Variants in HAPLN1 observed in about 807,000 individuals in gnomAD.
The protein encoded by HAPLN1 is hyaluronan and proteoglycan link protein 1.
HAPLN1 carries 13 observed loss-of-function variants against 36.5 expected under a neutral mutation model. The observed-to-expected ratio is 0.36, with a 90% CI of 0.23 to 0.57. The LOEUF (loss-of-function observed/expected upper bound fraction) is 0.57. Among genes scored for constraint, HAPLN1 ranks in the 20% least tolerant of loss-of-function variants. The pLI, the probability that HAPLN1 is intolerant of heterozygous loss-of-function variation, is 0.83. For synonymous variants in HAPLN1, 202 were observed against 169.8 expected (o/e 1.19, Z -1.48); for missense variants, 407 against 439.7 (o/e 0.93, Z 0.66).
chr5:83,656,596 G>A (rs779634446), intron 2 of HAPLN1, among the ~76,000 whole-genome samples: 2 of 152,112 alleles, frequency 1.3e-5, no homozygotes, highest in Non-Finnish European at 2.9e-5. Context: ...TGAAATTGGG[G>A]AAATTGAAGA....
intron 1 of HAPLN1, among the ~76,000 whole-genome samples, chr5:83,676,060 T>A (rs994272571): frequency 3.9e-5 from 6 of 152,110 alleles, no homozygotes; most frequent in Non-Finnish European, 7.4e-5. Context: ...GGCAGTCAGG[T>A]GGTATTTTTC....
intron 1 of HAPLN1, among the ~76,000 whole-genome samples, chr5:83,709,832 G>A (rs1751735092): frequency 6.6e-6 from 1 of 152,188 alleles, no homozygotes; most frequent in South Asian, 2.1e-4. Context: ...AACAAGATGG[G>A]AGACATAGAG....
At position 83,720,681 on chromosome 5, in the gene HAPLN1, G is replaced by T. The variant is rs775177246; in HGVS notation, c.-27+108C>A. On this transcript the variant is annotated intron_variant, in intron 1 of 4. Transcript: ENST00000274341. The stretch of plus-strand genomic sequence containing the variant: ...AATGAAAACTAAACTCAAAAGAAAA[G>T]AATAAAATTTGTTTAATGTATATAT... The T allele has an allele frequency of 3.9e-5, 6 of 152,254 alleles. No individual in the cohort carries two copies. The South Asian group carries it at 8.3e-4, about 21-fold the overall frequency. 9.4% of individuals were successfully genotyped at this position (152,254 alleles called of 1,614,324 possible).
chr5:83,691,606 C>T (rs1241812988), intron 1 of HAPLN1, among the ~76,000 whole-genome samples: 3 of 151,912 alleles, frequency 2.0e-5, no homozygotes, highest in Non-Finnish European at 4.4e-5. Flanking sequence ...TTTCTAAGTA[C>T]CTTAACCATA....
At position 83,637,981 on chromosome 5, in the gene HAPLN1, T is replaced by C. The variant is rs1439562198; in HGVS notation, c.*3515A>G. ...AAAAAGTCAATATATTTTGGGATAA[T>C]ACTATAGTTGATTTAGCGACACCAT... On this transcript the variant is annotated 3_prime_UTR_variant, in exon 5 of 5. Coordinates refer to ENST00000274341, the MANE Select transcript of HAPLN1 (RefSeq NM_001884.4). The C allele has an allele frequency of 6.6e-6, 1 of 151,234 alleles. No individual in the cohort carries two copies. The highest frequency in any genetic ancestry group is 6.6e-5 in the Admixed American group (1 of 15,134). 9.4% of individuals were successfully genotyped at this position (151,234 alleles called of 1,614,324 possible). A position where few individuals can be genotyped will look rare whatever the true frequency, so the allele number is the denominator to read the frequency against.
chr5:83,677,849 T>A (rs1446728731), intron 1 of HAPLN1, among the ~76,000 whole-genome samples: 1 of 152,148 alleles, frequency 6.6e-6, no homozygotes, highest in Non-Finnish European at 1.5e-5. Flanking sequence ...ATCAAGGACA[T>A]CTCCATCTCA....
At chr5:83,656,568 A>G (rs1384305465) in intron 2 of HAPLN1, among the ~76,000 whole-genome samples, 1 of 152,166 alleles carries the variant, frequency 6.6e-6, no homozygotes, top group Non-Finnish European at 1.5e-5. Context: ...AATTTTGTCC[A>G]TAAATGAGGC....
chr5:83,666,374 A>AT (rs1750551639), intron 2 of HAPLN1, among the ~76,000 whole-genome samples: 3 of 152,136 alleles, frequency 2.0e-5, no homozygotes, highest in Non-Finnish European at 4.4e-5. Context: ...ATTTAATAGG[A>AT]TTTTCTTGGT....
intron 2 of HAPLN1, among the ~76,000 whole-genome samples, chr5:83,667,829 A>G (rs187243435): frequency 3.3e-4 from 50 of 152,354 alleles, no homozygotes; most frequent in Admixed American, 9.2e-4. Flanking sequence ...ATGTAAATCC[A>G]ATACTCTTCA....
chr5:83,692,187 T>C (rs900232195), intron 1 of HAPLN1, among the ~76,000 whole-genome samples: 1 of 151,722 alleles, frequency 6.6e-6, no homozygotes, highest in African/African-American at 2.4e-5. Context: ...AATTGGAGTC[T>C]CCAAAAGAGA....
chr5:83,641,463 T>G lies in HAPLN1; in HGVS notation c.*33A>C, dbSNP rs769415670. On this transcript the variant is annotated 3_prime_UTR_variant, in exon 5 of 5. Transcript: ENST00000274341. Reference sequence around the variant, plus strand: ...AAAAACACCTTTCACATGTTCTTAATGACTTTAAAACTGATGCGCTCTAAG... The same window carrying G: ...AAAAACACCTTTCACATGTTCTTAAGGACTTTAAAACTGATGCGCTCTAAG... 9 of 1,527,388 alleles carry G rather than the reference T, an allele frequency of 5.9e-6. No homozygotes were observed. The African/African-American group carries it at 8.4e-5, about 14-fold the overall frequency. 94.6% of individuals were successfully genotyped at this position (1,527,388 alleles called of 1,614,324 possible). A position where few individuals can be genotyped will look rare whatever the true frequency, so the allele number is the denominator to read the frequency against.
chr5:83,677,649 G>A (rs997198805), intron 1 of HAPLN1, among the ~76,000 whole-genome samples: 1 of 152,066 alleles, frequency 6.6e-6, no homozygotes, highest in African/African-American at 2.4e-5. Context: ...CTCTATTCCA[G>A]GTCTCACAAC....
intron 1 of HAPLN1, among the ~76,000 whole-genome samples, chr5:83,677,615 T>A (rs1287542931): frequency 6.6e-6 from 1 of 152,154 alleles, no homozygotes; most frequent in Admixed American, 6.6e-5. Flanking sequence ...AGAAAAATCA[T>A]AGACCAGAAG....
intron 1 of HAPLN1, chr5:83,675,199 G>C (rs1750831626): frequency 6.6e-6 from 1 of 152,148 alleles, no homozygotes; most frequent in African/African-American, 2.4e-5. Context: ...TTGTGCTTTG[G>C]GTGAACAAAT....
Position 83,640,053 on chromosome 5 carries a change from A to G in HAPLN1, c.*1443T>C, listed in dbSNP as rs545950869. The G allele has an allele frequency of 6.6e-6, 1 of 152,146 alleles. No homozygotes were observed. The highest frequency in any genetic ancestry group is 1.5e-5 in the Non-Finnish European group (1 of 67,976). The allele number at this position is 152,146 out of a possible 1,614,324, so 9.4% of individuals were successfully genotyped here. A position where few individuals can be genotyped will look rare whatever the true frequency, so the allele number is the denominator to read the frequency against. On this transcript the variant is annotated 3_prime_UTR_variant, in exon 5 of 5. Coordinates refer to ENST00000274341, the MANE Select transcript of HAPLN1 (RefSeq NM_001884.4). ...AAATCTACATAAAAACATTCATGAA[A>G]GCATACCGGCTATGTCATACTTGGA... is the stretch of plus-strand genomic sequence containing the variant.
intron 1 of HAPLN1, among the ~76,000 whole-genome samples, chr5:83,718,725 T>C (rs1237244080): frequency 6.6e-6 from 1 of 152,208 alleles, no homozygotes; most frequent in African/African-American, 2.4e-5. Context: ...ATCAAAATTA[T>C]TTTCAAATTT....
At chr5:83,687,525 T>C (rs897660621) in intron 1 of HAPLN1, among the ~76,000 whole-genome samples, 1 of 152,228 alleles carries the variant, frequency 6.6e-6, no homozygotes, top group Admixed American at 6.5e-5. Context: ...CATTATAGCA[T>C]CTAAACAAGG....
intron 1 of HAPLN1, among the ~76,000 whole-genome samples, chr5:83,696,797 C>T (rs1455929634): frequency 6.6e-6 from 1 of 152,016 alleles, no homozygotes; most frequent in Non-Finnish European, 1.5e-5. Context: ...AAATTTTGTC[C>T]ATGCTCATCA....
At chr5:83,664,393 T>G (rs182641852) in intron 2 of HAPLN1, among the ~76,000 whole-genome samples, 36 of 152,226 alleles carry the variant, frequency 2.4e-4, no homozygotes, top group Admixed American at 6.5e-5. Context: ...AAACATTTGT[T>G]TTTTTTTGAG....
Sources: gnomAD v4.1 joint callset for allele counts (sites outside exome capture counted in the v4.1 genomes callset) on GRCh38, gnomAD v4.1.1 for gene constraint, MANE v1.5 for transcripts, NCBI Gene and HGNC (gene_info 2026-07-23, HGNC 2026-07-21) for gene names.